SNF8: variants seen among roughly 807,000 people sequenced by gnomAD.
The protein encoded by SNF8 is SNF8 subunit of ESCRT-II, also known as vacuolar-sorting protein SNF8.
A neutral mutation model predicts 36.8 loss-of-function variants in SNF8; 19 were observed. The observed-to-expected ratio is 0.52, with a 90% CI of 0.36 to 0.76. SNF8 has a LOEUF of 0.76. Among genes scored for constraint, SNF8 ranks in the 30% least tolerant of loss-of-function variants. SNF8 has a pLI of 0.00. For synonymous variants in SNF8, 127 were observed against 127.4 expected, an observed-to-expected ratio of 1.00 and a Z score of 0.02; for missense variants, 268 against 322.9, an observed-to-expected ratio of 0.83 and a Z score of 1.30.
chr17:48,939,219 C>G (rs1254814942), intron 3 of SNF8, among the ~76,000 whole-genome samples: 1 of 148,346 alleles, frequency 6.7e-6, no homozygotes, highest in African/African-American at 2.5e-5. Flanking sequence ...CCAAGAGTGT[C>G]ACACCACAGT....
Position 48,936,163 on chromosome 17 carries a change from G to T in SNF8, c.422+7C>A. ...TGTACTCCAAGGGATTGGAAGACAAGACCTACTGACTGACATCCTGGGCGA... is the reference window on the plus strand; with the variant it reads ...TGTACTCCAAGGGATTGGAAGACAATACCTACTGACTGACATCCTGGGCGA... On this transcript the variant is annotated splice_region_variant and intron_variant, in intron 5 of 7. Transcript: ENST00000502492. The T allele has an allele frequency of 1.2e-6, 2 of 1,608,362 alleles. No homozygotes were observed. Among genetic ancestry groups the T allele is most frequent in the Non-Finnish European group, 1.7e-6 (2 of 1,174,956 alleles).
At position 48,930,526 on chromosome 17, in the gene SNF8, G is replaced by A. The variant is rs139825893; in HGVS notation, c.726C>T (p.Asp242=). The change falls in exon 8 of 8, where the codon GAC becomes GAT. Residue 242 remains aspartate, a synonymous_variant. Coordinates refer to ENST00000502492, the MANE Select transcript of SNF8 (RefSeq NM_007241.4). The part of the protein sequence containing the change: ...AHYWLPALFT[D]LYSQEITAEE... ...CAGCTGTAATCTCCTGGGAGTAGAG[G>A]TCAGTGAAGAGAGCTGGCAGCCAGT... 1.4e-4 allele frequency: 224 copies of A among 1,612,782 alleles called. 3 individuals carry two copies. The East Asian group carries it at 2.3e-3, about 16-fold the overall frequency.
Position 48,944,700 on chromosome 17 carries a change from G to A in SNF8, c.35C>T (p.Ala12Val), listed in dbSNP as rs776355758. 6.2e-7 allele frequency: 1 copy of A among 1,612,300 alleles called. No homozygotes were observed. The highest frequency in any genetic ancestry group is 8.5e-7 in the Non-Finnish European group (1 of 1,179,294). ...GCTCACCTCTGCAAGTTTCTTCTTG[G>A]CGATGGCGCCAGCTCCCACCCCGCG... ...HRRGVGAGAI[A>V]KKKLAEAKYK... Residue 12 changes from alanine (A) to valine (V), a missense_variant, in exon 1 of 8, where the codon GCC becomes GTC. Ala to Val is a moderately conservative substitution (Grantham distance 64). Coordinates refer to ENST00000502492, the MANE Select transcript of SNF8 (RefSeq NM_007241.4).
chr17:48,934,055 G>T (rs1012734747), intron 5 of SNF8, among the ~76,000 whole-genome samples: 5 of 152,228 alleles, frequency 3.3e-5, no homozygotes, highest in Non-Finnish European at 7.3e-5. Flanking sequence ...CAAGTTTTCT[G>T]ATTCTAATTG....
At chr17:48,937,386 G>T in intron 3 of SNF8, 1 of 579,470 alleles carries the variant, frequency 1.7e-6, no homozygotes, top group African/African-American at 1.8e-5. Context: ...CCAACACTTT[G>T]GGACATCGAG....
chr17:48,937,255 G>A, intron 3 of SNF8, 131 bp from the exon 4 acceptor site: 1 of 771,182 alleles, frequency 1.3e-6, no homozygotes. Flanking sequence ...TGCTCCATCT[G>A]CTACTCAGGA....
chr17:48,937,608 C>T (rs2040954317), intron 3 of SNF8, among the ~76,000 whole-genome samples: 1 of 136,772 alleles, frequency 7.3e-6, no homozygotes, highest in African/African-American at 2.6e-5. Flanking sequence ...CCAGCCTGGG[C>T]AATAAGAGCA....
At chr17:48,936,903 G>A (rs2040942335) in intron 4 of SNF8, 117 bp downstream of exon 4, 9 of 765,674 alleles carry the variant, frequency 1.2e-5, no homozygotes, top group South Asian at 6.1e-5. Context: ...AAACAGCTAA[G>A]ATGTCTCTCA....
chr17:48,938,725 C>T (rs1179061341), intron 3 of SNF8, among the ~76,000 whole-genome samples: 3 of 151,294 alleles, frequency 2.0e-5, no homozygotes, highest in Non-Finnish European at 4.4e-5. Context: ...AAAAATTAGC[C>T]GGGCATGGTG....
In SNF8 at chr17:48,933,195, G is replaced by A. The variant is rs369835394; in HGVS notation, c.564+10C>T. On this transcript the variant is annotated intron_variant, in intron 6 of 7. Coordinates refer to ENST00000502492, the MANE Select transcript of SNF8 (RefSeq NM_007241.4). ...CTTGCACACACACACACTCGAAGGT[G>A]CACCAGTACCTCTGCCAGCTGCAGC... The A allele has an allele frequency of 6.2e-7, 1 of 1,612,682 alleles. No individual in the cohort carries two copies. Among genetic ancestry groups the A allele is most frequent in the African/African-American group, 1.3e-5 (1 of 74,888 alleles).
chr17:48,944,274 C>A (rs1452369580), intron 1 of SNF8: 11 of 447,142 alleles, frequency 2.5e-5, no homozygotes, highest in Admixed American at 1.1e-4. Flanking sequence ...TGCACTCCAA[C>A]CTGGGCGACA....
chr17:48,931,762 T>C, intron 6 of SNF8, 45 bp from the exon 7 acceptor site: 1 of 1,489,098 alleles, frequency 6.7e-7, no homozygotes, highest in Non-Finnish European at 9.3e-7. Context: ...AGAGTGCACC[T>C]TCCCTTAGAA....
At chr17:48,933,538 T>TAA (rs2040891430) in intron 5 of SNF8, 192 bp from the exon 6 acceptor site, 2 of 610,482 alleles carry the variant, frequency 3.3e-6, no homozygotes, top group African/African-American at 3.7e-5. Flanking sequence ...GCCCAGGGGT[T>TAA]AGAGACCAGC....
chr17:48,930,940 CTG>C (rs748455463), intron 7 of SNF8, among the ~76,000 whole-genome samples: 5 of 152,306 alleles, frequency 3.3e-5, no homozygotes, highest in African/African-American at 9.6e-5. Flanking sequence ...TTCCCAGAAA[CTG>C]TTAAACAGAG....
At chr17:48,943,340 G>A (rs1304544114) in intron 2 of SNF8, among the ~76,000 whole-genome samples, 2 of 152,198 alleles carry the variant, frequency 1.3e-5, no homozygotes, top group African/African-American at 2.4e-5. Context: ...GCCCGGCACA[G>A]TGGCTCACGC....
chr17:48,935,249 G>A (rs1393885055), intron 5 of SNF8, among the ~76,000 whole-genome samples: 2 of 151,856 alleles, frequency 1.3e-5, no homozygotes, highest in Admixed American at 1.3e-4. Flanking sequence ...CGCGGTGGCA[G>A]ACACCTGTAA....
At chr17:48,939,104 A>G (rs530477829) in intron 3 of SNF8, among the ~76,000 whole-genome samples, 195 of 149,824 alleles carry the variant, frequency 1.3e-3, no homozygotes, top group African/African-American at 4.6e-3. Flanking sequence ...TAAAAATACA[A>G]AAAATTAGCC....
At position 48,930,613 on chromosome 17, in the gene SNF8, C is replaced by G. The variant is rs2040844025; in HGVS notation, c.640-1G>C. On this transcript the variant is annotated splice_acceptor_variant, in intron 7 of 7. Coordinates refer to ENST00000502492, the MANE Select transcript of SNF8 (RefSeq NM_007241.4). LOFTEE classifies it high-confidence loss of function. ...CCAACCCTTCCTTCAGCAGGTGTTC[C>G]TGGAGGGAAAAGGGAAGAAGAGCAG... The G allele has an allele frequency of 3.7e-6, 6 of 1,612,918 alleles. No homozygotes were observed. Among genetic ancestry groups the G allele is most frequent in the East Asian group, 2.2e-5 (1 of 44,882 alleles).
At chr17:48,944,586 G>T in intron 1 of SNF8, 95 bp downstream of exon 1, 2 of 1,350,854 alleles carry the variant, frequency 1.5e-6, no homozygotes, top group Non-Finnish European at 2.1e-6. Flanking sequence ...CTCAGATTCT[G>T]TTGGGAGGTG....
Sources: gnomAD v4.1 joint callset for allele counts (sites outside exome capture counted in the v4.1 genomes callset) on GRCh38, gnomAD v4.1.1 for gene constraint, MANE v1.5 for transcripts, NCBI Gene and HGNC (gene_info 2026-07-23, HGNC 2026-07-21) for gene names.